Variants in DENND6A observed in about 807,000 individuals in gnomAD.
DENND6A encodes the protein protein DENND6A.
A neutral mutation model predicts 95.5 loss-of-function variants in DENND6A; 43 were observed. The ratio of observed to expected loss-of-function variants is 0.45; its 90% CI spans 0.35 to 0.58. The LOEUF (loss-of-function observed/expected upper bound fraction) is 0.58, where lower values mean the gene tolerates loss of function less well. Ranked by LOEUF, DENND6A falls within the 20% of genes least tolerant of loss-of-function variation. The probability of loss-of-function intolerance (pLI) is 0.00; values close to 1 mark genes in which losing one functional copy is unlikely to be tolerated. For synonymous variants in DENND6A, 257 were observed against 260.4 expected, an observed-to-expected ratio of 0.99 and a Z score of 0.13; for missense variants, 574 against 736.0, an observed-to-expected ratio of 0.78 and a Z score of 2.55.
intron 3 of DENND6A, among the ~76,000 whole-genome samples, chr3:57,671,207 T>C (rs767546972): frequency 1.5e-4 from 23 of 152,242 alleles, no homozygotes; most frequent in Admixed American, 2.6e-4. Flanking sequence ...TCAAATCAGA[T>C]TAAATGAACT....
intron 11 of DENND6A, among the ~76,000 whole-genome samples, 167 bp downstream of exon 11, chr3:57,645,494 C>T (rs1227135657): frequency 4.6e-5 from 7 of 151,974 alleles, no homozygotes; most frequent in African/African-American, 1.5e-4. Context: ...TACATAAAAT[C>T]GCTCAAATAA....
intron 3 of DENND6A, 97 bp downstream of exon 3, chr3:57,672,159 A>G: frequency 8.6e-7 from 1 of 1,158,600 alleles, no homozygotes; most frequent in Non-Finnish European, 1.2e-6. Flanking sequence ...TCTGTTTGCA[A>G]TCTAATATGC....
At chr3:57,641,416 A>G (rs1427128156) in intron 12 of DENND6A, among the ~76,000 whole-genome samples, 1 of 147,488 alleles carries the variant, frequency 6.8e-6, no homozygotes, top group African/African-American at 2.5e-5. Flanking sequence ...TAAGTGTTAT[A>G]TTATTATTCT....
chr3:57,639,819 G>A (rs1021232090), intron 12 of DENND6A, among the ~76,000 whole-genome samples: 6 of 148,602 alleles, frequency 4.0e-5, no homozygotes, highest in Admixed American at 1.3e-4. Flanking sequence ...CAGTAAGACC[G>A]AGTCCAGAAT....
chr3:57,669,227 C>T (rs1264638847), intron 3 of DENND6A, among the ~76,000 whole-genome samples: 1 of 152,052 alleles, frequency 6.6e-6, no homozygotes, highest in African/African-American at 2.4e-5. Flanking sequence ...ATAACTACAA[C>T]TGAAAATAGC....
chr3:57,647,125 T>A (rs1413653266), intron 9 of DENND6A, among the ~76,000 whole-genome samples: 1 of 152,186 alleles, frequency 6.6e-6, no homozygotes, highest in Non-Finnish European at 1.5e-5. Context: ...CTTATCTATT[T>A]ATGAAAATCA....
intron 5 of DENND6A, among the ~76,000 whole-genome samples, chr3:57,662,844 C>A (rs2071448770): frequency 6.6e-6 from 1 of 151,872 alleles, no homozygotes; most frequent in Non-Finnish European, 1.5e-5. Context: ...CAAGGCCAGG[C>A]ACGGTGGCTC....
intron 8 of DENND6A, among the ~76,000 whole-genome samples, chr3:57,658,586 C>T (rs901116434): frequency 1.3e-5 from 2 of 152,150 alleles, no homozygotes; most frequent in Non-Finnish European, 2.9e-5. Flanking sequence ...GTATGAAATA[C>T]TCCCATTAAT....
At chr3:57,689,641 T>C (rs999223363) in intron 1 of DENND6A, among the ~76,000 whole-genome samples, 1 of 152,224 alleles carries the variant, frequency 6.6e-6, no homozygotes, top group Non-Finnish European at 1.5e-5. Flanking sequence ...CTCAGGGCTT[T>C]AGCCAATTGT....
rs934680629 is a variant in DENND6A at position 57,665,980 on chromosome 3, T to C, written c.432+143A>G. The C allele has an allele frequency of 5.5e-6, 3 of 550,376 alleles. No individual in the cohort carries two copies. In the East Asian group the frequency reaches 9.1e-5, roughly 17 times the overall value. The allele number at this position is 550,376 out of a possible 1,614,324, so 34.1% of individuals were successfully genotyped here. A position where few individuals can be genotyped will look rare whatever the true frequency, so the allele number is the denominator to read the frequency against. On this transcript the variant is annotated intron_variant, in intron 4 of 19. Coordinates refer to ENST00000311128, the MANE Select transcript of DENND6A (RefSeq NM_152678.3). Reference sequence around the variant, plus strand: ...CATTCAGATGCTGAATCCTTATGAATAAGACTCACTTTGGAAATTCAGCTA... The same window carrying C: ...CATTCAGATGCTGAATCCTTATGAACAAGACTCACTTTGGAAATTCAGCTA...
intron 3 of DENND6A, among the ~76,000 whole-genome samples, chr3:57,671,460 G>A (rs1050227387): frequency 6.6e-6 from 1 of 151,960 alleles, no homozygotes; most frequent in Admixed American, 6.6e-5. Context: ...AACCCGGGAG[G>A]CGGAGCTTGC....
chr3:57,659,801 T>C (rs569997369), intron 7 of DENND6A, among the ~76,000 whole-genome samples: 1 of 152,300 alleles, frequency 6.6e-6, no homozygotes, highest in South Asian at 2.1e-4. Flanking sequence ...TGGTCTGACA[T>C]CACGTGTTAA....
rs1286059033 is a variant in DENND6A at position 57,660,235 on chromosome 3, T to C, written c.699+525A>G. Among the ~76,000 whole-genome samples the C allele has an allele frequency of 2.6e-5, 4 of 151,504 alleles. No homozygotes were observed. The South Asian group carries it at 8.3e-4, about 32-fold the overall frequency. On this transcript the variant is annotated intron_variant, in intron 7 of 19. Transcript: ENST00000311128. ...TTGAGACAGGGTCTCGCTTTTGTCC[T>C]GCAGGCTGGAATGCAGTGATGCAAA...
At chr3:57,688,761 C>T (rs922055929) in intron 1 of DENND6A, among the ~76,000 whole-genome samples, 4 of 152,052 alleles carry the variant, frequency 2.6e-5, no homozygotes, top group Admixed American at 2.6e-4. Context: ...TTCCCACACA[C>T]TTGGATTCCA....
At chr3:57,667,169 C>T (rs1388560154) in intron 3 of DENND6A, among the ~76,000 whole-genome samples, 1 of 152,118 alleles carries the variant, frequency 6.6e-6, no homozygotes, top group African/African-American at 2.4e-5. Flanking sequence ...GCTGGGATTA[C>T]AGGTGCGTGC....
intron 9 of DENND6A, 86 bp downstream of exon 9, chr3:57,657,594 C>T (rs555974262): frequency 2.3e-6 from 2 of 863,840 alleles, no homozygotes; most frequent in Admixed American, 5.8e-5. Flanking sequence ...TTTTCCACAT[C>T]CTATATAATA....
chr3:57,625,637 T>A lies in DENND6A; in HGVS notation c.*2577A>T. ...CAGGGTTTACATAGTAACAAATTCT[T>A]CTTAAAAAAAAAAAGACAAATCTAA... On this transcript the variant is annotated 3_prime_UTR_variant, in exon 20 of 20. Transcript: ENST00000311128. 1 of 152,128 alleles carries A rather than the reference T, an allele frequency of 6.6e-6. No homozygotes were observed. The highest frequency in any genetic ancestry group is 6.6e-5 in the Admixed American group (1 of 15,216). 9.4% of individuals were successfully genotyped at this position (152,128 alleles called of 1,614,324 possible).
intron 11 of DENND6A, 50 bp from the exon 12 acceptor site, chr3:57,641,797 T>A: frequency 2.5e-4 from 307 of 1,243,166 alleles, no homozygotes; most frequent in Non-Finnish European, 3.3e-4. Flanking sequence ...AAAAGATGAA[T>A]GCTAAATCAG....
chr3:57,646,343 G>A lies in DENND6A; in HGVS notation c.914C>T (p.Ser305Leu). The A allele has an allele frequency of 6.2e-7, 1 of 1,613,802 alleles. No homozygotes were observed. The highest frequency in any genetic ancestry group is 1.7e-5 in the Admixed American group (1 of 59,960). ...AACAAGTGCCAATACAGTCTCTGAT[G>A]ATTCCGATGGTGATGGCGCCATAAC... ...LVVMAPSPSE[S>L]SETVLALVNC... The change falls in exon 10 of 20, where the codon TCA (serine) becomes TTA (leucine). Residue 305 changes from serine (S) to leucine (L), a missense_variant. By Grantham distance (145) the Ser-to-Leu change is moderately radical. Coordinates refer to ENST00000311128, the MANE Select transcript of DENND6A (RefSeq NM_152678.3).
Sources: allele counts gnomAD v4.1 joint callset (sites outside exome capture counted in the v4.1 genomes callset), GRCh38; gene constraint gnomAD v4.1.1; transcripts MANE v1.5; gene names NCBI Gene and HGNC (gene_info 2026-07-23, HGNC 2026-07-21).